HMGA2: variants seen among roughly 807,000 people sequenced by gnomAD.
HMGA2 encodes the protein high mobility group AT-hook 2.
A neutral mutation model predicts 19.1 loss-of-function variants in HMGA2; 8 were observed. That is an observed-to-expected ratio of 0.42 (90% CI 0.25 to 0.76). The LOEUF (loss-of-function observed/expected upper bound fraction) is 0.76, where lower values mean the gene tolerates loss of function less well. Among genes scored for constraint, HMGA2 ranks in the 30% least tolerant of loss-of-function variants. The pLI is 0.28. For synonymous variants in HMGA2, 60 were observed against 48.8 expected, an observed-to-expected ratio of 1.23 and a Z score of -0.96; for missense variants, 109 against 136.3, an observed-to-expected ratio of 0.80 and a Z score of 1.00.
At chr12:65,837,964 A>C (rs1166251869) in intron 2 of HMGA2, among the ~76,000 whole-genome samples, 1 of 152,130 alleles carries the variant, frequency 6.6e-6, no homozygotes, top group Non-Finnish European at 1.5e-5. Context: ...AAACATGTAG[A>C]AGTGTGCAAA....
Position 65,825,209 on chromosome 12 carries a change from G to C in HMGA2, c.-62G>C. The C allele has an allele frequency of 7.1e-7, 1 of 1,408,864 alleles. No homozygotes were observed. Among genetic ancestry groups the C allele is most frequent in the Non-Finnish European group, 9.6e-7 (1 of 1,041,368 alleles). The allele number at this position is 1,408,864 out of a possible 1,614,324, so 87.3% of individuals were successfully genotyped here. A position where few individuals can be genotyped will look rare whatever the true frequency, so the allele number is the denominator to read the frequency against. On this transcript the variant is annotated 5_prime_UTR_variant, in exon 1 of 5. Transcript: ENST00000403681. This position sits in a 1 kb window ranked among gnomAD's most constrained non-coding sequence, Gnocchi z 4.4. ...TCACCTCATCTCCCGAAAGGTGCTG[G>C]GCAGCTCCGGGGCGGTCGAGGCGAA...
intron 3 of HMGA2, among the ~76,000 whole-genome samples, chr12:65,862,946 A>G (rs1010920772): frequency 2.0e-5 from 3 of 152,246 alleles, no homozygotes; most frequent in Non-Finnish European, 4.4e-5. Flanking sequence ...ATCCTTCTCC[A>G]GCTGTCCCAC....
At chr12:65,849,876 G>T (rs1871388076) in intron 3 of HMGA2, among the ~76,000 whole-genome samples, 1 of 151,034 alleles carries the variant, frequency 6.6e-6, no homozygotes, top group African/African-American at 2.4e-5. Context: ...CTGCCACCAC[G>T]CCTGGCTAAT....
chr12:65,893,806 G>GA, intron 3 of HMGA2, among the ~76,000 whole-genome samples: 1 of 152,332 alleles, frequency 6.6e-6, no homozygotes, highest in South Asian at 2.1e-4. Context: ...TCTAAGAGGA[G>GA]AAAAGGCAAA....
intron 3 of HMGA2, among the ~76,000 whole-genome samples, chr12:65,909,458 G>A (rs1426306989): frequency 1.3e-5 from 2 of 151,742 alleles, no homozygotes; most frequent in Non-Finnish European, 2.9e-5. Context: ...GGCATATTTT[G>A]AATTTTTCAG....
At chr12:65,835,385 T>C (rs1320814967) in intron 2 of HMGA2, among the ~76,000 whole-genome samples, 1 of 152,184 alleles carries the variant, frequency 6.6e-6, no homozygotes, top group East Asian at 1.9e-4. Context: ...GATTAAATAA[T>C]GTGGGTTTTA....
At chr12:65,850,828 A>G (rs1475445343) in intron 3 of HMGA2, among the ~76,000 whole-genome samples, 1 of 152,180 alleles carries the variant, frequency 6.6e-6, no homozygotes, top group African/African-American at 2.4e-5. Flanking sequence ...TATGTGTATG[A>G]AAAAAGCAAT....
intron 3 of HMGA2, among the ~76,000 whole-genome samples, chr12:65,888,552 C>CTT (rs1565722298): frequency 1.4e-4 from 13 of 90,348 alleles, no homozygotes; most frequent in East Asian, 3.0e-4. Flanking sequence ...CCGTGGTGTG[C>CTT]TCTTTTTTTT....
intron 3 of HMGA2, chr12:65,858,349 A>T (rs1592391953): frequency 6.6e-6 from 1 of 151,994 alleles, no homozygotes; most frequent in Non-Finnish European, 1.5e-5. Flanking sequence ...AAAAAAAAAG[A>T]AAAGAAAATT....
chr12:65,876,470 T>C (rs1873034668), intron 3 of HMGA2, among the ~76,000 whole-genome samples: 1 of 152,242 alleles, frequency 6.6e-6, no homozygotes, highest in Admixed American at 6.5e-5. Context: ...CAATTGTGAA[T>C]ACTCTTTCTC....
At chr12:65,960,411 G>C (rs573830220) in intron 4 of HMGA2, among the ~76,000 whole-genome samples, 2 of 152,294 alleles carry the variant, frequency 1.3e-5, no homozygotes, top group African/African-American at 4.8e-5. Context: ...CCTCATTCCT[G>C]ACAGGGAGGA....
intron 4 of HMGA2, among the ~76,000 whole-genome samples, chr12:65,960,180 T>C (rs147442927): frequency 2.0e-3 from 299 of 152,278 alleles, no homozygotes; most frequent in African/African-American, 6.5e-3. Context: ...TAAGCCACCA[T>C]ACCTGGCCCC....
chr12:65,879,005 A>G (rs1873208561), intron 3 of HMGA2, among the ~76,000 whole-genome samples: 1 of 152,252 alleles, frequency 6.6e-6, no homozygotes, highest in Non-Finnish European at 1.5e-5. Flanking sequence ...AATGTTGCAC[A>G]GAAACTGTGC....
chr12:65,854,769 T>C (rs1468162280), intron 3 of HMGA2, among the ~76,000 whole-genome samples: 3 of 152,208 alleles, frequency 2.0e-5, no homozygotes, highest in African/African-American at 7.2e-5. Context: ...GCTCAGGAGT[T>C]TGTGGCACAT....
rs143975502 is a variant in HMGA2, at chr12:65,862,923, T to G, written c.249+24354T>G. On this transcript the variant is annotated intron_variant, in intron 3 of 4. Coordinates refer to ENST00000403681, the MANE Select transcript of HMGA2 (RefSeq NM_003483.6). ...CTGCCAACGGCAGTATGTGGACCAGTGGTCTTTACCACATCCTTCTCCAGC... is the reference window on the plus strand; with the variant it reads ...CTGCCAACGGCAGTATGTGGACCAGGGGTCTTTACCACATCCTTCTCCAGC... Among the ~76,000 whole-genome samples, 54 of 152,338 alleles carry G rather than the reference T, an allele frequency of 3.5e-4. No homozygotes were observed. The East Asian group carries it at 9.9e-3, about 28-fold the overall frequency.
intron 3 of HMGA2, among the ~76,000 whole-genome samples, chr12:65,918,066 C>T (rs1875173325): frequency 6.6e-6 from 1 of 152,184 alleles, no homozygotes; most frequent in African/African-American, 2.4e-5. Context: ...AAGTAATTTA[C>T]TCAAAGCCCT....
At chr12:65,838,391 A>C in intron 2 of HMGA2, 128 bp from the exon 3 acceptor site, 3 of 698,596 alleles carry the variant, frequency 4.3e-6, no homozygotes, top group Non-Finnish European at 7.2e-6. Flanking sequence ...TGTTAAAAAA[A>C]ACAAAAAAAA....
chr12:65,850,490 A>C (rs1871413835), intron 3 of HMGA2, among the ~76,000 whole-genome samples: 1 of 151,906 alleles, frequency 6.6e-6, no homozygotes. Context: ...TTGGCCTTAC[A>C]TAGTCACAGT....
In HMGA2 at chr12:65,905,438, G is replaced by GA. The variant is rs1030968243; in HGVS notation, c.250-45936dup. 7.6e-4 allele frequency among the ~76,000 whole-genome samples: 114 copies of GA among 150,776 alleles called. 3 individuals carry two copies. The East Asian group carries it at 0.019, about 25-fold the overall frequency. On this transcript the variant is annotated intron_variant, in intron 3 of 4. Coordinates refer to ENST00000403681, the MANE Select transcript of HMGA2 (RefSeq NM_003483.6). ...TCTCTTCCAGAAGAAAAAGAAAATG[G>GA]AAAAAAAAATTACCAATATTCAAAT...
Sources: allele counts gnomAD v4.1 joint callset (sites outside exome capture counted in the v4.1 genomes callset), GRCh38; gene constraint gnomAD v4.1.1; non-coding constraint Gnocchi (gnomAD v3.1); transcripts MANE v1.5; gene names NCBI Gene and HGNC (gene_info 2026-07-23, HGNC 2026-07-21).